The following CAST variants were observed in gnomAD, a reference collection of about 807,000 sequenced individuals.
The protein encoded by CAST is calpastatin.
Under a neutral mutation model 119.6 loss-of-function variants are expected in CAST, and 76 were observed. The ratio of observed to expected loss-of-function variants is 0.64; its 90% CI spans 0.53 to 0.77. CAST has a LOEUF of 0.77. CAST is among the 30% of genes least tolerant of loss of function. CAST has a pLI of 0.00. For synonymous variants in CAST, 319 were observed against 331.6 expected, an observed-to-expected ratio of 0.96 and a Z score of 0.41; for missense variants, 953 against 946.5, an observed-to-expected ratio of 1.01 and a Z score of -0.09.
chr5:96,105,686 G>C, the CAST span, among the ~76,000 whole-genome samples: 2 of 152,220 alleles, frequency 1.3e-5, no homozygotes, highest in African/African-American at 2.4e-5. Context: ...GGATATTGGT[G>C]TAAAATTCTC....
At chr5:96,752,679 A>C (rs1178750976) in intron 20 of CAST, among the ~76,000 whole-genome samples, 5 of 142,924 alleles carry the variant, frequency 3.5e-5, no homozygotes, top group Admixed American at 1.5e-4. Flanking sequence ...TTCCTTTTGC[A>C]GTGCAGTTTA....
chr5:96,478,525 C>A, the CAST span, among the ~76,000 whole-genome samples: 32 of 152,314 alleles, frequency 2.1e-4, no homozygotes, highest in Non-Finnish European at 4.0e-4. Flanking sequence ...ACAGTCCTTA[C>A]CATTGGTTAA....
intron 3 of CAST, among the ~76,000 whole-genome samples, chr5:96,700,533 G>A (rs1456204064): frequency 2.0e-5 from 3 of 152,194 alleles, no homozygotes; most frequent in African/African-American, 7.2e-5. Context: ...ATGAGGCTGA[G>A]ATTCTGCTTT....
the CAST span, among the ~76,000 whole-genome samples, chr5:96,329,260 T>C: frequency 2.0e-5 from 3 of 152,228 alleles, no homozygotes; most frequent in Admixed American, 2.0e-4. Flanking sequence ...TGTGATAACG[T>C]GTGCTTTTAA....
chr5:96,657,253 C>T (rs1000021535), upstream of CAST, among the ~76,000 whole-genome samples: 5 of 152,102 alleles, frequency 3.3e-5, no homozygotes, highest in African/African-American at 4.8e-5. Flanking sequence ...TTGGGTGTGG[C>T]GGTAGAAGCC....
intron 16 of CAST, chr5:96,743,665 A>G: frequency 6.2e-7 from 1 of 1,613,488 alleles, no homozygotes; most frequent in Non-Finnish European, 8.5e-7. Context: ...TGGAGGGCTC[A>G]CCGGCCACAG....
intron 1 of CAST, among the ~76,000 whole-genome samples, chr5:96,539,825 C>G (rs1745880927): frequency 6.6e-6 from 1 of 152,158 alleles, no homozygotes; most frequent in African/African-American, 2.4e-5. Context: ...TGTATTTACA[C>G]CGTTTACATT....
chr5:96,374,008 G>T, the CAST span, among the ~76,000 whole-genome samples: 2 of 152,030 alleles, frequency 1.3e-5, no homozygotes. Flanking sequence ...TCTGATTGCG[G>T]GCAGCAGTAT....
the CAST span, among the ~76,000 whole-genome samples, chr5:96,509,907 T>A: frequency 6.6e-6 from 1 of 152,180 alleles, no homozygotes; most frequent in Non-Finnish European, 1.5e-5. Context: ...TGAACTTTGG[T>A]CCTTTAGCTG....
At chr5:96,049,036 G>A in the CAST span, among the ~76,000 whole-genome samples, 1 of 152,186 alleles carries the variant, frequency 6.6e-6, no homozygotes, top group Non-Finnish European at 1.5e-5. Flanking sequence ...GACATCCCCG[G>A]AGACCCTTTG....
intron 8 of CAST, among the ~76,000 whole-genome samples, chr5:96,730,426 A>G (rs1003009389): frequency 2.0e-5 from 3 of 152,250 alleles, no homozygotes; most frequent in African/African-American, 4.8e-5. Context: ...GGCATTTCAC[A>G]TAACATCCCA....
At chr5:96,369,270 T>G in the CAST span, among the ~76,000 whole-genome samples, 2 of 152,094 alleles carry the variant, frequency 1.3e-5, no homozygotes, top group Non-Finnish European at 2.9e-5. Flanking sequence ...ATTCTCCAAA[T>G]TAGCTTTTTA....
At chr5:96,647,688 G>A (rs1476480859) in intron 1 of CAST, among the ~76,000 whole-genome samples, 10 of 152,006 alleles carry the variant, frequency 6.6e-5, no homozygotes, top group Admixed American at 2.0e-4. Flanking sequence ...CTAAACTGAG[G>A]CACACACCGG....
At chr5:96,458,897 C>A in the CAST span, among the ~76,000 whole-genome samples, 1 of 152,046 alleles carries the variant, frequency 6.6e-6, no homozygotes, top group Non-Finnish European at 1.5e-5. Context: ...AACGTGGGAG[C>A]GTATGACAGT....
chr5:96,039,932 G>A, the CAST span, among the ~76,000 whole-genome samples: 4 of 152,064 alleles, frequency 2.6e-5, no homozygotes, highest in South Asian at 4.1e-4. Flanking sequence ...AGCTTGATGG[G>A]GATAGCATGA....
At chr5:96,770,490 T>C (rs1355077412) in intron 29 of CAST, 41 bp from the exon 30 acceptor site, 2 of 1,296,154 alleles carry the variant, frequency 1.5e-6, no homozygotes, top group Non-Finnish European at 2.2e-6. Context: ...GCTAGATGGA[T>C]TGGTGATAGC....
chr5:96,676,456 A>C (rs1033224146), intron 2 of CAST, among the ~76,000 whole-genome samples: 6 of 152,092 alleles, frequency 3.9e-5, no homozygotes, highest in African/African-American at 1.4e-4. Context: ...CTGCAGTTTC[A>C]AAATAGTCAA....
chr5:96,585,530 T>C (rs1227401149), intron 1 of CAST, among the ~76,000 whole-genome samples: 1 of 152,174 alleles, frequency 6.6e-6, no homozygotes, highest in African/African-American at 2.4e-5. Flanking sequence ...TATTATACCA[T>C]AGCAAAGTTG....
the CAST span, among the ~76,000 whole-genome samples, chr5:96,416,561 C>T: frequency 1.3e-5 from 2 of 152,186 alleles, no homozygotes; most frequent in African/African-American, 4.8e-5. Context: ...CACTTTTCTC[C>T]CTAGTGACTG....
Sources: gnomAD v4.1 joint callset for allele counts (sites outside exome capture counted in the v4.1 genomes callset) on GRCh38, gnomAD v4.1.1 for gene constraint, MANE v1.5 for transcripts, NCBI Gene and HGNC (gene_info 2026-07-23, HGNC 2026-07-21) for gene names.